SRBD1: variants seen among roughly 807,000 people sequenced by gnomAD.
SRBD1 encodes the protein S1 RNA binding domain 1, also known as S1 RNA-binding domain-containing protein 1.
SRBD1 carries 88 observed loss-of-function variants against 115.3 expected under a neutral mutation model. The ratio of observed to expected loss-of-function variants is 0.76; its 90% CI spans 0.64 to 0.91. The LOEUF is 0.91. Ranked by LOEUF, SRBD1 falls within the 40% of genes least tolerant of loss-of-function variation. SRBD1 has a pLI of 0.00. For synonymous variants in SRBD1, 509 were observed against 407.7 expected (o/e 1.25, Z -2.99); for missense variants, 1,385 against 1,177.4 (o/e 1.18, Z -2.58).
chr2:45,476,169 C>A (rs999516700), intron 16 of SRBD1, among the ~76,000 whole-genome samples: 2 of 152,140 alleles, frequency 1.3e-5, no homozygotes, highest in African/African-American at 2.4e-5. Context: ...ACAGGTTAAT[C>A]TAAGCTTTGC....
chr2:45,433,419 ATAAATT>A (rs1387060246), intron 16 of SRBD1, among the ~76,000 whole-genome samples: 3 of 151,702 alleles, frequency 2.0e-5, no homozygotes, highest in African/African-American at 7.3e-5. Flanking sequence ...ATTAAAAAAA[ATAAATT>A]TAAGCTTAAC....
intron 10 of SRBD1, among the ~76,000 whole-genome samples, chr2:45,554,519 T>A (rs1210134047): frequency 6.6e-6 from 1 of 152,164 alleles, no homozygotes; most frequent in Non-Finnish European, 1.5e-5. Context: ...GAGAACTTAC[T>A]CTATTGCTCA....
chr2:45,411,876 C>T (rs1052721199), intron 19 of SRBD1, among the ~76,000 whole-genome samples: 4 of 152,062 alleles, frequency 2.6e-5, no homozygotes, highest in Non-Finnish European at 5.9e-5. Context: ...TTTGGGAGGC[C>T]AAGGTGGGTG....
intron 19 of SRBD1, among the ~76,000 whole-genome samples, chr2:45,410,702 C>T (rs926409938): frequency 5.3e-5 from 8 of 152,198 alleles, no homozygotes; most frequent in African/African-American, 1.9e-4. Context: ...AGACCCCCAA[C>T]CTCCAGGGAG....
intron 12 of SRBD1, 98 bp from the exon 13 acceptor site, chr2:45,547,710 G>T: frequency 1.0e-6 from 1 of 977,218 alleles, no homozygotes; most frequent in Non-Finnish European, 1.5e-6. Context: ...AAGGAGACTG[G>T]CTTGTTTTTT....
intron 9 of SRBD1, among the ~76,000 whole-genome samples, chr2:45,568,933 G>T (rs1042505060): frequency 2.6e-5 from 4 of 152,108 alleles, no homozygotes; most frequent in East Asian, 1.9e-4. Flanking sequence ...TCAAAATATT[G>T]AAAGTATGTA....
intron 7 of SRBD1, among the ~76,000 whole-genome samples, chr2:45,575,666 A>G (rs1024013754): frequency 6.6e-6 from 1 of 152,212 alleles, no homozygotes; most frequent in African/African-American, 2.4e-5. Flanking sequence ...TGAAGTAATT[A>G]TGTTTACAGT....
intron 19 of SRBD1, among the ~76,000 whole-genome samples, chr2:45,404,528 C>A (rs1379013395): frequency 6.6e-6 from 1 of 152,074 alleles, no homozygotes; most frequent in Non-Finnish European, 1.5e-5. Flanking sequence ...ATTTTCATAT[C>A]CTTCATCCAA....
intron 20 of SRBD1, among the ~76,000 whole-genome samples, chr2:45,391,072 C>T (rs1666984671): frequency 6.6e-6 from 1 of 151,804 alleles, no homozygotes; most frequent in South Asian, 2.1e-4. Flanking sequence ...AATTCTTTCT[C>T]TCTCTCTCTT....
chr2:45,524,089 G>A (rs1025395524), intron 14 of SRBD1, among the ~76,000 whole-genome samples: 1 of 151,960 alleles, frequency 6.6e-6, no homozygotes, highest in Admixed American at 6.6e-5. Flanking sequence ...AAAGGAGTTT[G>A]ACAGAAGGGA....
chr2:45,468,277 T>C (rs1278506244), intron 16 of SRBD1, among the ~76,000 whole-genome samples: 1 of 152,208 alleles, frequency 6.6e-6, no homozygotes, highest in Non-Finnish European at 1.5e-5. Context: ...TCATTTTCAC[T>C]GCTCTATCTG....
chr2:45,436,466 C>A (rs6747555), intron 16 of SRBD1, among the ~76,000 whole-genome samples: 1 of 151,974 alleles, frequency 6.6e-6, no homozygotes, highest in African/African-American at 2.4e-5. Context: ...ATTTTCACAC[C>A]GCTATAAAGA....
At chr2:45,605,275 T>G in intron 2 of SRBD1, 87 bp downstream of exon 2, 1 of 1,338,028 alleles carries the variant, frequency 7.5e-7, no homozygotes, top group Non-Finnish European at 1.0e-6. Context: ...CCCACATCAC[T>G]TAAGGAGTTA....
intron 16 of SRBD1, among the ~76,000 whole-genome samples, chr2:45,433,684 T>A (rs574307581): frequency 6.6e-6 from 1 of 152,354 alleles, no homozygotes; most frequent in African/African-American, 2.4e-5. Flanking sequence ...GAGGTCTTTA[T>A]ATACTCCCGT....
chr2:45,456,975 A>G lies in SRBD1; in HGVS notation c.2049+20018T>C, dbSNP rs147461764. ...ACAATGGCTGACATAGAAAATGTAT[A>G]TATTTATGAAGCCGATCCAAAAATA... On this transcript the variant is annotated intron_variant, in intron 16 of 20. Coordinates refer to ENST00000263736, the MANE Select transcript of SRBD1 (RefSeq NM_018079.5). 5.0e-3 allele frequency among the ~76,000 whole-genome samples: 761 copies of G among 152,100 alleles called. 2 individuals carry two copies. The highest frequency in any genetic ancestry group is 0.014 in the Middle Eastern group (4 of 294).
At chr2:45,462,253 C>T (rs1421245019) in intron 16 of SRBD1, among the ~76,000 whole-genome samples, 2 of 152,074 alleles carry the variant, frequency 1.3e-5, no homozygotes, top group Admixed American at 1.3e-4. Flanking sequence ...ATACATAGCG[C>T]CCTCATACAG....
intron 16 of SRBD1, among the ~76,000 whole-genome samples, chr2:45,451,914 G>A (rs1016797208): frequency 6.6e-6 from 1 of 151,172 alleles, no homozygotes; most frequent in Non-Finnish European, 1.5e-5. Context: ...TAAAATGAGA[G>A]GTAAAAATAA....
intron 14 of SRBD1, among the ~76,000 whole-genome samples, chr2:45,527,480 A>G (rs1671481127): frequency 6.6e-6 from 1 of 151,876 alleles, no homozygotes; most frequent in African/African-American, 2.4e-5. Context: ...CCTGAGGGAT[A>G]GGTAAGATTT....
At chr2:45,575,225 T>C (rs1673141021) in intron 7 of SRBD1, among the ~76,000 whole-genome samples, 1 of 152,238 alleles carries the variant, frequency 6.6e-6, no homozygotes, top group Non-Finnish European at 1.5e-5. Flanking sequence ...TTTTTCACAT[T>C]TTCAACGACC....
Sources: allele counts gnomAD v4.1 joint callset (sites outside exome capture counted in the v4.1 genomes callset), GRCh38; gene constraint gnomAD v4.1.1; transcripts MANE v1.5; gene names NCBI Gene and HGNC (gene_info 2026-07-23, HGNC 2026-07-21).